SGCD: variants seen among roughly 807,000 people sequenced by gnomAD.
SGCD encodes delta-sarcoglycan.
In SGCD, 18 loss-of-function variants were observed where a neutral mutation model predicts 36.6. The ratio of observed to expected loss-of-function variants is 0.49; its 90% CI spans 0.34 to 0.73. The LOEUF (loss-of-function observed/expected upper bound fraction) is 0.73. Among genes scored for constraint, SGCD ranks in the 30% least tolerant of loss-of-function variants. The pLI is 0.01. For synonymous variants in SGCD, 133 were observed against 130.6 expected (o/e 1.02, Z -0.12); for missense variants, 387 against 346.7 (o/e 1.12, Z -0.92).
At chr5:156,703,382 CTTTT>C (rs533137929) in intron 7 of SGCD, among the ~76,000 whole-genome samples, 7 of 137,356 alleles carry the variant, frequency 5.1e-5, no homozygotes, top group Admixed American at 4.3e-4. Flanking sequence ...TTATTTATTT[CTTTT>C]TTTTTTTTTC....
At chr5:155,754,845 A>T in the SGCD span, among the ~76,000 whole-genome samples, 2 of 152,198 alleles carry the variant, frequency 1.3e-5, no homozygotes, top group African/African-American at 4.8e-5. Flanking sequence ...TGATTTACAC[A>T]TTCGTAATTA....
rs950222567 is a variant in SGCD at position 156,761,266 on chromosome 5, G to A, written c.*1876G>A. ...AGTAGATGGTGGGGGACAGCGGCGT[G>A]GGTCCTAGCCTGGCCAGTGATGCTG... On this transcript the variant is annotated 3_prime_UTR_variant, in exon 9 of 9. Transcript: ENST00000337851. The A allele has an allele frequency of 6.6e-6, 1 of 152,184 alleles. No individual in the cohort carries two copies. Among genetic ancestry groups the A allele is most frequent in the African/African-American group, 2.4e-5 (1 of 41,442 alleles). The allele number at this position is 152,184 out of a possible 1,614,324, so 9.4% of individuals were successfully genotyped here.
chr5:156,295,655 G>A (rs1766874147), intron 3 of SGCD, among the ~76,000 whole-genome samples: 1 of 152,168 alleles, frequency 6.6e-6, no homozygotes, highest in African/African-American at 2.4e-5. Flanking sequence ...ATTACAATGT[G>A]CTTTTCATGG....
At chr5:156,001,900 A>G (rs1164551410) in intron 1 of SGCD, among the ~76,000 whole-genome samples, 1 of 152,246 alleles carries the variant, frequency 6.6e-6, no homozygotes, top group East Asian at 1.9e-4. Flanking sequence ...CAGGCCCTCA[A>G]AAATATGTAC....
At chr5:155,908,575 T>C (rs1276385684) in intron 1 of SGCD, among the ~76,000 whole-genome samples, 3 of 152,150 alleles carry the variant, frequency 2.0e-5, no homozygotes, top group Non-Finnish European at 4.4e-5. Flanking sequence ...GCGAGATTTT[T>C]GAATCTATTT....
the SGCD span, among the ~76,000 whole-genome samples, chr5:155,776,213 A>G: frequency 2.0e-5 from 3 of 152,112 alleles, no homozygotes; most frequent in Admixed American, 6.5e-5. Context: ...TAGGACGGCA[A>G]TTCTTTCTTG....
chr5:156,753,809 C>T (rs1316190136), intron 7 of SGCD, among the ~76,000 whole-genome samples: 1 of 152,132 alleles, frequency 6.6e-6, no homozygotes, highest in Non-Finnish European at 1.5e-5. Flanking sequence ...TCAATTACCT[C>T]CCACCAAGTC....
At chr5:156,433,869 G>C (rs1005062194) in intron 3 of SGCD, among the ~76,000 whole-genome samples, 1 of 152,116 alleles carries the variant, frequency 6.6e-6, no homozygotes, top group Non-Finnish European at 1.5e-5. Context: ...TTACAAGATG[G>C]CTATAGTAAT....
intron 3 of SGCD, among the ~76,000 whole-genome samples, chr5:156,291,202 A>G (rs1169173291): frequency 6.6e-6 from 1 of 152,142 alleles, no homozygotes; most frequent in East Asian, 1.9e-4. Context: ...GGATGACTGT[A>G]CTTAGCAACA....
At chr5:156,482,229 T>C (rs904369109) in intron 3 of SGCD, among the ~76,000 whole-genome samples, 6 of 152,136 alleles carry the variant, frequency 3.9e-5, no homozygotes, top group African/African-American at 1.2e-4. Flanking sequence ...TCACTATGAT[T>C]TCAGTTCGTG....
chr5:156,185,873 A>AGAGAGG (rs1763743884), intron 3 of SGCD, among the ~76,000 whole-genome samples: 1 of 124,742 alleles, frequency 8.0e-6, no homozygotes, highest in Non-Finnish European at 1.7e-5. Context: ...AGAGAGAGAG[A>AGAGAGG]GAGAGAGAGA....
intron 3 of SGCD, among the ~76,000 whole-genome samples, chr5:156,357,370 T>C (rs1769545705): frequency 6.6e-6 from 1 of 152,222 alleles, no homozygotes. Context: ...ACTTCAAAGC[T>C]TATGCTTTTA....
intron 3 of SGCD, among the ~76,000 whole-genome samples, chr5:156,412,412 G>A (rs1772809772): frequency 6.6e-6 from 1 of 152,200 alleles, no homozygotes; most frequent in Non-Finnish European, 1.5e-5. Context: ...AAATAACATA[G>A]TAATAGAAAT....
At chr5:155,957,509 T>C (rs1757687893) in intron 1 of SGCD, among the ~76,000 whole-genome samples, 1 of 152,114 alleles carries the variant, frequency 6.6e-6, no homozygotes, top group African/African-American at 2.4e-5. Context: ...GAAGGCTCCA[T>C]TTCTTTCAGA....
intron 1 of SGCD, among the ~76,000 whole-genome samples, chr5:156,111,070 A>C (rs1030577634): frequency 6.6e-6 from 1 of 152,208 alleles, no homozygotes; most frequent in Non-Finnish European, 1.5e-5. Flanking sequence ...TAAAACATCC[A>C]TGGGCAGATG....
intron 1 of SGCD, among the ~76,000 whole-genome samples, chr5:156,104,462 T>C (rs562176208): frequency 5.9e-5 from 9 of 152,210 alleles, no homozygotes; most frequent in Non-Finnish European, 8.8e-5. Context: ...ATATTGAATC[T>C]CACTTTAAAG....
At chr5:155,781,215 T>C in the SGCD span, among the ~76,000 whole-genome samples, 2 of 152,148 alleles carry the variant, frequency 1.3e-5, no homozygotes, top group African/African-American at 4.8e-5. Context: ...AAAGGAAATA[T>C]CCCCTTGCTA....
intron 3 of SGCD, among the ~76,000 whole-genome samples, chr5:156,283,778 T>C (rs1766521139): frequency 6.6e-6 from 1 of 152,112 alleles, no homozygotes; most frequent in Admixed American, 6.6e-5. Context: ...TTTAACCAAT[T>C]CTCAAGAGAG....
intron 3 of SGCD, among the ~76,000 whole-genome samples, chr5:156,314,914 T>C (rs891068567): frequency 6.6e-6 from 1 of 152,040 alleles, no homozygotes; most frequent in Non-Finnish European, 1.5e-5. Context: ...CCTAGCTTCA[T>C]TGAGATGATT....
Sources: gnomAD v4.1 joint callset for allele counts (sites outside exome capture counted in the v4.1 genomes callset) on GRCh38, gnomAD v4.1.1 for gene constraint, MANE v1.5 for transcripts, NCBI Gene and HGNC (gene_info 2026-07-23, HGNC 2026-07-21) for gene names.